The following DIAPH3 variants were observed in gnomAD, a reference collection of about 807,000 sequenced individuals.
The protein encoded by DIAPH3 is diaphanous related formin 3.
A neutral mutation model predicts 144.3 loss-of-function variants in DIAPH3; 117 were observed. The observed-to-expected ratio is 0.81, with a 90% CI of 0.70 to 0.95. The LOEUF (loss-of-function observed/expected upper bound fraction) is 0.95. DIAPH3 is among the 40% of genes least tolerant of loss of function. The probability of loss-of-function intolerance (pLI) is 0.00; values close to 1 mark genes in which losing one functional copy is unlikely to be tolerated. For synonymous variants in DIAPH3, 519 were observed against 488.9 expected (o/e 1.06, Z -0.81); for missense variants, 1,421 against 1,412.7 (o/e 1.01, Z -0.09).
intron 17 of DIAPH3, 144 bp from the exon 18 acceptor site, chr13:59,925,014 T>TA: frequency 2.2e-6 from 3 of 1,394,982 alleles, no homozygotes; most frequent in Non-Finnish European, 1.9e-6. Flanking sequence ...AAACGATAGA[T>TA]ATCCCAAGAC....
chr13:59,983,750 T>C lies in DIAPH3; in HGVS notation c.1480+19A>G. The C allele has an allele frequency of 6.8e-7, 1 of 1,473,148 alleles. No individual in the cohort carries two copies. Among genetic ancestry groups the C allele is most frequent in the African/African-American group, 1.4e-5 (1 of 71,918 alleles). The allele number at this position is 1,473,148 out of a possible 1,614,324, so 91.3% of individuals were successfully genotyped here. On this transcript the variant is annotated intron_variant, in intron 13 of 27. Transcript: ENST00000400324. ...ATAAGAGACAATAAGATATTTCTAT[T>C]TAAATAATAAATACTCACCTACAAA... is the stretch of plus-strand genomic sequence containing the variant.
chr13:60,117,690 C>A lies in DIAPH3; in HGVS notation c.214-5504G>T, dbSNP rs1566791579. Among the ~76,000 whole-genome samples, 5 of 152,186 alleles carry A rather than the reference C, an allele frequency of 3.3e-5. No individual in the cohort carries two copies. In the South Asian group the frequency reaches 1.0e-3, roughly 32 times the overall value. On this transcript the variant is annotated intron_variant, in intron 2 of 27. Transcript: ENST00000400324. ...CACACATGGAAAAATCACTCCTAAT[C>A]TATCTTTGATGAAATTGCACACACG... is the stretch of plus-strand genomic sequence containing the variant.
At chr13:59,935,620 A>C (rs1158533613) in intron 17 of DIAPH3, among the ~76,000 whole-genome samples, 1 of 152,232 alleles carries the variant, frequency 6.6e-6, no homozygotes, top group Non-Finnish European at 1.5e-5. Context: ...AAAATATCGA[A>C]GTAAATGCTT....
At chr13:59,818,986 T>G (rs2040924288) in intron 24 of DIAPH3, among the ~76,000 whole-genome samples, 1 of 151,862 alleles carries the variant, frequency 6.6e-6, no homozygotes, top group African/African-American at 2.4e-5. Context: ...TTACTAAATA[T>G]CTGGGGTCTT....
intron 1 of DIAPH3, among the ~76,000 whole-genome samples, chr13:60,158,666 A>G (rs776206168): frequency 2.6e-5 from 4 of 152,080 alleles, no homozygotes; most frequent in Non-Finnish European, 5.9e-5. Flanking sequence ...ACATTCCACA[A>G]TCTGGACTGG....
At chr13:59,804,699 G>A (rs949506458) in intron 25 of DIAPH3, among the ~76,000 whole-genome samples, 3 of 152,006 alleles carry the variant, frequency 2.0e-5, no homozygotes, top group African/African-American at 4.8e-5. Context: ...TCTATATCGA[G>A]AAATTACTAA....
chr13:60,092,580 G>A (rs1486431144), intron 4 of DIAPH3, among the ~76,000 whole-genome samples: 1 of 152,152 alleles, frequency 6.6e-6, no homozygotes, highest in South Asian at 2.1e-4. Context: ...GAACCCGGGA[G>A]GCGGAGCTTG....
intron 27 of DIAPH3, among the ~76,000 whole-genome samples, chr13:59,773,800 G>A (rs1010422280): frequency 8.6e-6 from 1 of 116,058 alleles, no homozygotes; most frequent in Non-Finnish European, 1.9e-5. Context: ...AACTGCACTG[G>A]CAAATGTGGG....
intron 27 of DIAPH3, among the ~76,000 whole-genome samples, chr13:59,750,043 T>C (rs80074622): frequency 0.039 from 5,898 of 152,214 alleles, 381 homozygotes; most frequent in African/African-American, 0.13. Flanking sequence ...AAAAGAGGAA[T>C]CTGTGGTAAT....
chr13:60,074,893 T>C (rs1317307378), intron 4 of DIAPH3, among the ~76,000 whole-genome samples: 1 of 152,154 alleles, frequency 6.6e-6, no homozygotes, highest in South Asian at 2.1e-4. Context: ...TATTGATAAA[T>C]ATTTTGGTTT....
chr13:59,924,522 TG>T (rs1254081796), intron 18 of DIAPH3, among the ~76,000 whole-genome samples: 52 of 151,630 alleles, frequency 3.4e-4, no homozygotes, highest in Admixed American at 3.4e-3. Flanking sequence ...AAAGAGTAGC[TG>T]TTTTTTTTTT....
At chr13:59,882,236 G>A (rs1490590863) in intron 20 of DIAPH3, among the ~76,000 whole-genome samples, 2 of 151,934 alleles carry the variant, frequency 1.3e-5, no homozygotes, top group Admixed American at 6.6e-5. Context: ...TTACAGCCAT[G>A]AGCCACCACG....
intron 20 of DIAPH3, among the ~76,000 whole-genome samples, chr13:59,884,725 T>C (rs2045322507): frequency 6.7e-6 from 1 of 150,110 alleles, no homozygotes; most frequent in South Asian, 2.1e-4. Context: ...AATATGTTCA[T>C]GATCTCCAGA....
chr13:59,697,349 G>A lies in DIAPH3; in HGVS notation c.3320-30503C>T, dbSNP rs371315323. ...GTGGCAGGCGCCTGTAGTGCCAGCT[G>A]CTCAGGAGGCTGAGGCAAGGGAATG... On this transcript the variant is annotated intron_variant, in intron 27 of 27. Coordinates refer to ENST00000400324, the MANE Select transcript of DIAPH3 (RefSeq NM_001042517.2). Among the ~76,000 whole-genome samples the A allele has an allele frequency of 8.0e-5, 12 of 150,900 alleles. No homozygotes were observed. The East Asian group carries it at 2.4e-3, about 30-fold the overall frequency.
At chr13:59,932,135 T>G (rs995776548) in intron 17 of DIAPH3, among the ~76,000 whole-genome samples, 1 of 152,202 alleles carries the variant, frequency 6.6e-6, no homozygotes, top group Non-Finnish European at 1.5e-5. Context: ...TCTCAGAAAA[T>G]GTATACATTT....
chr13:60,012,120 T>A (rs1653058352), intron 7 of DIAPH3, among the ~76,000 whole-genome samples: 1 of 152,202 alleles, frequency 6.6e-6, no homozygotes, highest in Non-Finnish European at 1.5e-5. Flanking sequence ...AGCATTGAAG[T>A]TGAATCTATA....
In DIAPH3 at chr13:60,119,354, G is replaced by C. The variant is rs559853969; in HGVS notation, c.214-7168C>G. Among the ~76,000 whole-genome samples, 10 of 152,234 alleles carry C rather than the reference G, an allele frequency of 6.6e-5. No homozygotes were observed. The South Asian group carries it at 8.3e-4, about 13-fold the overall frequency. On this transcript the variant is annotated intron_variant, in intron 2 of 27. Transcript: ENST00000400324. ...CTGGTCAAGCCTTCACATGACTGTA[G>C]CTCCAGCCAACATTTTTACCGCAAA...
chr13:59,953,994 T>C (rs771818232), intron 17 of DIAPH3, among the ~76,000 whole-genome samples: 9 of 152,172 alleles, frequency 5.9e-5, no homozygotes, highest in Admixed American at 1.3e-4. Flanking sequence ...AAATAGGAGA[T>C]GTAACTGTGC....
chr13:59,972,179 C>G (rs1478628081), intron 15 of DIAPH3, among the ~76,000 whole-genome samples: 4 of 151,944 alleles, frequency 2.6e-5, no homozygotes, highest in African/African-American at 9.7e-5. Flanking sequence ...GCCAACTGGG[C>G]ACAGGGTCAA....
Sources: allele counts gnomAD v4.1 joint callset (sites outside exome capture counted in the v4.1 genomes callset), GRCh38; gene constraint gnomAD v4.1.1; transcripts MANE v1.5; gene names NCBI Gene and HGNC (gene_info 2026-07-23, HGNC 2026-07-21).